The following GART variants were observed in gnomAD, a reference collection of about 807,000 sequenced individuals.
The protein encoded by GART is phosphoribosylglycinamide formyltransferase, phosphoribosylglycinamide synthetase, phosphoribosylaminoimidazole synthetase.
In GART, 43 loss-of-function variants were observed where a neutral mutation model predicts 107.2. The observed-to-expected ratio is 0.40, with a 90% CI of 0.31 to 0.52. GART has a LOEUF of 0.52. GART is among the 20% of genes least tolerant of loss of function. The probability of loss-of-function intolerance (pLI) is 0.52; values close to 1 mark genes in which losing one functional copy is unlikely to be tolerated. For synonymous variants in GART, 434 were observed against 427.0 expected, an observed-to-expected ratio of 1.02 and a Z score of -0.20; for missense variants, 1,107 against 1,206.5, an observed-to-expected ratio of 0.92 and a Z score of 1.22.
At chr21:33,509,532 A>G (rs1288463506) in intron 18 of GART, 1 of 347,888 alleles carries the variant, frequency 2.9e-6, no homozygotes, top group African/African-American at 2.1e-5. Flanking sequence ...ATACAAAATG[A>G]GCTGTAGCTT....
intron 10 of GART, 54 bp downstream of exon 10, chr21:33,528,113 G>C: frequency 6.5e-7 from 1 of 1,545,968 alleles, no homozygotes; most frequent in Non-Finnish European, 8.9e-7. Context: ...GGGGTCTGCT[G>C]TGGTGCTGGC....
chr21:33,508,518 T>G (rs1443307359), intron 18 of GART, among the ~76,000 whole-genome samples: 1 of 142,170 alleles, frequency 7.0e-6, no homozygotes, highest in Admixed American at 6.9e-5. Context: ...TTTCCATCTT[T>G]TTTTTTTTTT....
At chr21:33,528,808 T>G in intron 8 of GART, 42 bp downstream of exon 8, 3 of 1,388,566 alleles carry the variant, frequency 2.2e-6, no homozygotes, top group Non-Finnish European at 3.0e-6. Context: ...AAGTAGAAAG[T>G]TACTCTATAG....
At chr21:33,513,157 G>T (rs1353242697) in intron 16 of GART, among the ~76,000 whole-genome samples, 1 of 150,622 alleles carries the variant, frequency 6.6e-6, no homozygotes. Context: ...TAGAGACAGG[G>T]TTTCATCATG....
At chr21:33,517,849 G>A (rs2084906423) in intron 14 of GART, among the ~76,000 whole-genome samples, 2 of 152,256 alleles carry the variant, frequency 1.3e-5, no homozygotes, top group African/African-American at 4.8e-5. Flanking sequence ...ATATGCAGCC[G>A]CCAAACACCA....
intron 13 of GART, 127 bp from the exon 14 acceptor site, chr21:33,520,689 A>C: frequency 2.4e-6 from 2 of 830,172 alleles, no homozygotes; most frequent in Non-Finnish European, 3.7e-6. Flanking sequence ...TACTTGGTCT[A>C]AAAGCATCCC....
chr21:33,512,248 C>T (rs1256182231), intron 16 of GART, among the ~76,000 whole-genome samples: 4 of 133,478 alleles, frequency 3.0e-5, no homozygotes, highest in Admixed American at 2.4e-4. Flanking sequence ...GGTACCACTG[C>T]ACTCTAGCCT....
intron 4 of GART, 63 bp from the exon 5 acceptor site, chr21:33,532,519 T>C: frequency 8.2e-7 from 1 of 1,224,908 alleles, no homozygotes; most frequent in Non-Finnish European, 1.2e-6. Context: ...TTTAAAATGC[T>C]GTGGGATTTT....
At chr21:33,511,086 G>A (rs1250626146) in intron 17 of GART, among the ~76,000 whole-genome samples, 166 bp downstream of exon 17, 3 of 152,218 alleles carry the variant, frequency 2.0e-5, no homozygotes, top group South Asian at 2.1e-4. Flanking sequence ...GAAGAGATAC[G>A]TGGTATCGCT....
intron 11 of GART, among the ~76,000 whole-genome samples, 173 bp from the exon 12 acceptor site, chr21:33,522,455 T>G (rs2084990342): frequency 6.6e-6 from 1 of 152,228 alleles, no homozygotes. Context: ...TTAACTGGTC[T>G]AGGGCAGGCT....
Position 33,511,449 on chromosome 21 carries a change from G to A in GART, c.2117C>T (p.Thr706Ile). 4 of 1,614,072 alleles carry A rather than the reference G, an allele frequency of 2.5e-6. No individual in the cohort carries two copies. Among genetic ancestry groups the A allele is most frequent in the Non-Finnish European group, 3.4e-6 (4 of 1,180,014 alleles). Residue 706 changes from threonine to isoleucine, a missense_variant, in exon 17 of 22, where the codon ACC becomes ATC. Thr to Ile is a moderately conservative substitution (Grantham distance 89, BLOSUM62 -1). Coordinates refer to ENST00000381815, the MANE Select transcript of GART (RefSeq NM_000819.5). ...TGAGAAGACCCTGGGGATCCTCCAG[G>A]TCTGGGCATCTGAAAAAAATAGACA... ...EKLGVDLDAQTWRIPRVFSWL... is the reference protein window; with the variant it reads ...EKLGVDLDAQIWRIPRVFSWL...
chr21:33,538,537 G>A lies in GART; in HGVS notation c.145+634C>T, dbSNP rs546447769. ...CGTGAGCCACTGCACGTGGCCGCAA[G>A]TTGTATTTAATAGCAATACTAAACT... On this transcript the variant is annotated intron_variant, in intron 2 of 21. Coordinates refer to ENST00000381815, the MANE Select transcript of GART (RefSeq NM_000819.5). Among the ~76,000 whole-genome samples the A allele has an allele frequency of 5.2e-4, 79 of 152,076 alleles. 1 individual carries two copies. In the Middle Eastern group the frequency reaches 0.017, roughly 33 times the overall value.
At position 33,517,487 on chromosome 21, in the gene GART, A is replaced by G. The variant is rs2084899483; in HGVS notation, c.1824T>C (p.Gly608=). Residue 608 remains glycine, a synonymous_variant, in exon 15 of 22, where the codon GGT becomes GGC. Coordinates refer to ENST00000381815, the MANE Select transcript of GART (RefSeq NM_000819.5). ...ATGAAGCTATTCCAACAACAACATC[A>G]CCCTCAGTGATTCTTTCCAGGTGAG... The part of the protein sequence containing the change: ...KLPHLERITE[G]DVVVGIASSG... 1 of 1,613,974 alleles carries G rather than the reference A, an allele frequency of 6.2e-7. No homozygotes were observed.
intron 14 of GART, chr21:33,518,880 A>C (rs1450916905): frequency 3.8e-6 from 2 of 532,942 alleles, no homozygotes; most frequent in Non-Finnish European, 7.4e-6. Context: ...TTGTCTCAGC[A>C]TGGCCTGTAA....
In GART at chr21:33,521,012, C is replaced by T. The variant is rs1231506134; in HGVS notation, c.1397G>A (p.Cys466Tyr). Residue 466 changes from cysteine (C) to tyrosine (Y), a missense_variant, in exon 13 of 22, where the codon TGT becomes TAT. Transcript: ENST00000381815. Reference sequence around the variant, plus strand: ...AGCAAAACCTCCAAGATCAACTTTACAGCCTGTTGGAGAGGAAATTAATTA... The same window carrying T: ...AGCAAAACCTCCAAGATCAACTTTATAGCCTGTTGGAGAGGAAATTAATTA... The part of the protein sequence containing the change: ...PLAKATSRSG[C>Y]KVDLGGFAGL... 1.2e-6 allele frequency: 2 copies of T among 1,611,676 alleles called. No homozygotes were observed. The highest frequency in any genetic ancestry group is 1.7e-6 in the Non-Finnish European group (2 of 1,178,358).
intron 9 of GART, 78 bp from the exon 10 acceptor site, chr21:33,528,413 A>G (rs1293997829): frequency 6.4e-7 from 1 of 1,559,988 alleles, no homozygotes; most frequent in Non-Finnish European, 8.8e-7. Flanking sequence ...GTGTACTAGC[A>G]GAACTTGCAT....
intron 9 of GART, 85 bp downstream of exon 9, chr21:33,528,434 A>G: frequency 6.5e-7 from 1 of 1,543,984 alleles, no homozygotes; most frequent in Middle Eastern, 1.7e-4. Flanking sequence ...GAATTTCCCA[A>G]AGGTAATTAC....
intron 10 of GART, 85 bp downstream of exon 10, chr21:33,528,082 A>C: frequency 1.5e-6 from 2 of 1,292,528 alleles, no homozygotes; most frequent in Non-Finnish European, 2.2e-6. Flanking sequence ...TCTTATCGAG[A>C]GCAAGCCTTA....
intron 16 of GART, among the ~76,000 whole-genome samples, chr21:33,515,466 C>G (rs1601185752): frequency 6.6e-6 from 1 of 151,850 alleles, no homozygotes; most frequent in Non-Finnish European, 1.5e-5. Context: ...ACGGTGAAAC[C>G]CCGTGTCTAC....
Sources: gnomAD v4.1 joint callset for allele counts (sites outside exome capture counted in the v4.1 genomes callset) on GRCh38, gnomAD v4.1.1 for gene constraint, MANE v1.5 for transcripts, NCBI Gene and HGNC (gene_info 2026-07-23, HGNC 2026-07-21) for gene names.